ESRP2: variants seen among roughly 807,000 people sequenced by gnomAD.
ESRP2 encodes the protein RNA binding motif protein 35A.
Under a neutral mutation model 78.6 loss-of-function variants are expected in ESRP2, and 48 were observed. The ratio of observed to expected loss-of-function variants is 0.61; its 90% confidence interval spans 0.48 to 0.78. The LOEUF is 0.78. Among genes scored for constraint, ESRP2 ranks in the 30% least tolerant of loss-of-function variants. The probability of loss-of-function intolerance (pLI) is 0.00; values close to 1 mark genes in which losing one functional copy is unlikely to be tolerated. For synonymous variants in ESRP2, 383 were observed against 406.7 expected (o/e 0.94, Z 0.70); for missense variants, 863 against 965.9 (o/e 0.89, Z 1.41).
rs746386550 is a variant in ESRP2 at position 68,235,083 on chromosome 16, A to G, written c.327+551T>C. ...GGCACCCCAGGCCTTTGCACTCAGCAGGCAGATAGTCCCCCAGGCCAGGCC... is the reference window on the plus strand; with the variant it reads ...GGCACCCCAGGCCTTTGCACTCAGCGGGCAGATAGTCCCCCAGGCCAGGCC... On this transcript the variant is annotated intron_variant, in intron 2 of 14. Transcript: ENST00000473183. This position sits in a 1 kb window ranked among gnomAD's most constrained non-coding sequence, Gnocchi z 5.5. 9 of 982,442 alleles carry G rather than the reference A, an allele frequency of 9.2e-6. No individual in the cohort carries two copies. Among genetic ancestry groups the G allele is most frequent in the Non-Finnish European group, 9.7e-6 (8 of 826,552 alleles). The allele number at this position is 982,442 out of a possible 1,614,324, so 60.9% of individuals were successfully genotyped here.
chr16:68,234,894 C>T (rs1177792336), intron 2 of ESRP2: 2 of 155,854 alleles, frequency 1.3e-5, no homozygotes, highest in Admixed American at 6.5e-5. Context: ...GTGGTGCCTC[C>T]TCATCAGGAA....
Position 68,232,739 on chromosome 16 carries a change from C to T in ESRP2, c.710+22G>A, listed in dbSNP as rs2042163120. 1 of 1,614,240 alleles carries T rather than the reference C, an allele frequency of 6.2e-7. No homozygotes were observed. Among genetic ancestry groups the T allele is most frequent in the Non-Finnish European group, 8.5e-7 (1 of 1,180,038 alleles). On this transcript the variant is annotated intron_variant, in intron 6 of 14. Transcript: ENST00000473183. This position sits in a 1 kb window ranked among gnomAD's most constrained non-coding sequence, Gnocchi z 5.2. ...AGAGCTATTCAGCTGTTGTCACCCC[C>T]AGCCCCTGCTCCCACACTCACCAAG...
chr16:68,234,151 C>A, intron 2 of ESRP2, 44 bp from the exon 3 acceptor site: 1 of 1,468,986 alleles, frequency 6.8e-7, no homozygotes, highest in Admixed American at 1.9e-5. Context: ...AGATTCACAG[C>A]TGGGCAGGCA....
At chr16:68,233,196 CAAAAAAAAAAAA>C (rs377116348) in intron 5 of ESRP2, 119 bp downstream of exon 5, 4 of 524,116 alleles carry the variant, frequency 7.6e-6, no homozygotes, top group Non-Finnish European at 1.3e-5. Flanking sequence ...GAGACTGTCT[CAAAAAAAAAAAA>C]AAAAAAGAAA....
chr16:68,234,750 C>G (rs2042199555), intron 2 of ESRP2: 1 of 152,238 alleles, frequency 6.6e-6, no homozygotes. Flanking sequence ...ATCAGTGACC[C>G]ACGAACCCTC....
chr16:68,233,374 A>G lies in ESRP2; in HGVS notation c.608T>C (p.Val203Ala). The G allele has an allele frequency of 6.2e-7, 1 of 1,614,054 alleles. No individual in the cohort carries two copies. Among genetic ancestry groups the G allele is most frequent in the Non-Finnish European group, 8.5e-7 (1 of 1,179,984 alleles). ...ATEDDFGVWE[V>A]KTMVAVILHL... ...GAGGATAACAGCTACCATTGTCTTG[A>G]CTTCCCAGACCCCAAAGTCATCCTC... is the stretch of plus-strand genomic sequence containing the variant. Residue 203 changes from valine (V) to alanine (A), a missense_variant, in exon 5 of 15, where the codon GTC becomes GCC. Val to Ala is a moderately conservative substitution (Grantham distance 64). Coordinates refer to ENST00000473183, the MANE Select transcript of ESRP2 (RefSeq NM_024939.3).
At chr16:68,233,063 G>A in intron 5 of ESRP2, 1 of 618,750 alleles carries the variant, frequency 1.6e-6, no homozygotes. Context: ...GGTGGGCATG[G>A]TGGCAGGCGC....
rs374368360 is a variant in ESRP2, at chr16:68,235,490, G to T, written c.327+144C>A. On this transcript the variant is annotated intron_variant, in intron 2 of 14. Transcript: ENST00000473183. This position sits in a 1 kb window ranked among gnomAD's most constrained non-coding sequence, Gnocchi z 5.5. ...GGATGAAAGGGGCACGCACACGCGAGAGTCGCTCAAAGTTTCAAACAAGAG... is the reference window on the plus strand; with the variant it reads ...GGATGAAAGGGGCACGCACACGCGATAGTCGCTCAAAGTTTCAAACAAGAG... 1.1e-3 allele frequency: 1,664 copies of T among 1,447,700 alleles called. 21 individuals carry two copies. The African/African-American group carries it at 0.022, about 19-fold the overall frequency. The allele number at this position is 1,447,700 out of a possible 1,614,324, so 89.7% of individuals were successfully genotyped here.
rs1370427686 is a variant in ESRP2 at position 68,230,420 on chromosome 16, T to C, written c.2033A>G (p.Lys678Arg). The change falls in exon 14 of 15, where the codon AAG becomes AGG. Residue 678 changes from lysine to arginine, a missense_variant. Lys to Arg is a conservative substitution (Grantham distance 26). Transcript: ENST00000473183. ...MQGVPYTAGM[K>R]DLLSVFQAYQ... is the part of the protein sequence containing the mutation. Reference sequence around the variant, plus strand: ...GGCCTGGAAGACGCTGAGCAGATCCTTCATACCAGCCGTGTATGGGACACC... The same window carrying C: ...GGCCTGGAAGACGCTGAGCAGATCCCTCATACCAGCCGTGTATGGGACACC... 1 of 1,613,418 alleles carries C rather than the reference T, an allele frequency of 6.2e-7. No individual in the cohort carries two copies. Among genetic ancestry groups the C allele is most frequent in the African/African-American group, 1.3e-5 (1 of 75,022 alleles).
chr16:68,231,571 T>C lies in ESRP2; in HGVS notation c.1423A>G (p.Thr475Ala), dbSNP rs755800105. Residue 475 changes from threonine (T) to alanine (A), a missense_variant, in exon 11 of 15, where the codon ACG (threonine) becomes GCG (alanine). Thr to Ala is a moderately conservative substitution (Grantham distance 58, BLOSUM62 0). Transcript: ENST00000473183. The surrounding 1 kb of genome is among the most constrained non-coding windows in gnomAD (Gnocchi z 6.0). ...CTCAGGATGTCTTCAATGGTGGCCG[T>C]GTAGGGCAGGCCTCGGAGGCGTACA... ...DCVRLRGLPY[T>A]ATIEDILSFL... 4 of 1,614,020 alleles carry C rather than the reference T, an allele frequency of 2.5e-6. No homozygotes were observed. Among genetic ancestry groups the C allele is most frequent in the Non-Finnish European group, 3.4e-6 (4 of 1,179,982 alleles).
chr16:68,234,404 TGG>T (rs2042193112), intron 2 of ESRP2: 2 of 316,546 alleles, frequency 6.3e-6, no homozygotes, highest in Non-Finnish European at 1.2e-5. Context: ...AGCAAACACC[TGG>T]AGTGGGACAA....
At position 68,233,854 on chromosome 16, in the gene ESRP2, G is replaced by A. The variant is rs774040716; in HGVS notation, c.470C>T (p.Ser157Phe). The change falls in exon 4 of 15, where the codon TCC becomes TTC. Residue 157 changes from serine (S) to phenylalanine (F), a missense_variant. Physicochemically the swap from Ser to Phe is radical, Grantham distance 155 (BLOSUM62 -2). Coordinates refer to ENST00000473183, the MANE Select transcript of ESRP2 (RefSeq NM_024939.3). ...KNLVLPDMFF[S>F]FYDLRREFHM... ...GAATTCTCTTCGGAGGTCATAGAAG[G>A]AGAAGAACATGTCGGGGAGCACCAG... The A allele has an allele frequency of 3.7e-6, 6 of 1,614,008 alleles. No individual in the cohort carries two copies. Among genetic ancestry groups the A allele is most frequent in the South Asian group, 3.3e-5 (3 of 91,088 alleles).
At position 68,230,495 on chromosome 16, in the gene ESRP2, G is replaced by A; in HGVS notation, c.1958C>T (p.Ser653Phe). Residue 653 changes from serine (S) to phenylalanine (F), a missense_variant, in exon 14 of 15, where the codon TCT (serine) becomes TTT (phenylalanine). By Grantham distance (155) the Ser-to-Phe change is radical (BLOSUM62 -2). Transcript: ENST00000473183. ...YLTTPTAALASAPTSVLSQSG... is the reference protein window; with the variant it reads ...YLTTPTAALAFAPTSVLSQSG... ...CTGGGACAACACTGAGGTGGGAGCA[G>A]AGGCCAGGGCAGCAGTGGGTGTAGT... is the stretch of plus-strand genomic sequence containing the variant. 6.2e-7 allele frequency: 1 copy of A among 1,610,442 alleles called. No individual in the cohort carries two copies. Among genetic ancestry groups the A allele is most frequent in the Non-Finnish European group, 8.5e-7 (1 of 1,177,892 alleles).
chr16:68,232,566 G>T lies in ESRP2; in HGVS notation c.821+11C>A, dbSNP rs767319483. 2 of 1,614,056 alleles carry T rather than the reference G, an allele frequency of 1.2e-6. No individual in the cohort carries two copies. Among genetic ancestry groups the T allele is most frequent in the Non-Finnish European group, 1.7e-6 (2 of 1,179,998 alleles). ...CTGTCCAATTGGGCCCACCCACCCTGCCACACCCACCTGGCCACGTTGAGC... is the reference window on the plus strand; with the variant it reads ...CTGTCCAATTGGGCCCACCCACCCTTCCACACCCACCTGGCCACGTTGAGC... On this transcript the variant is annotated intron_variant, in intron 7 of 14. Transcript: ENST00000473183. The surrounding 1 kb of genome is among the most constrained non-coding windows in gnomAD (Gnocchi z 5.2).
In ESRP2 at chr16:68,231,010, A is replaced by T. The variant is rs775632478; in HGVS notation, c.1729T>A (p.Tyr577Asn). The part of the protein sequence containing the change: ...CKLPCLSPPT[Y>N]TTFQATPTLI... ...GTTGGGGTGGCTTGGAAGGTGGTGT[A>T]GGTAGGTGGTGAGAGGCCTAGAGAC... Residue 577 changes from tyrosine (Y) to asparagine (N), a missense_variant, in exon 13 of 15, where the codon TAC becomes AAC. By Grantham distance (143) the Tyr-to-Asn change is moderately radical. Transcript: ENST00000473183. This position sits in a 1 kb window ranked among gnomAD's most constrained non-coding sequence, Gnocchi z 6.0. The T allele has an allele frequency of 9.4e-6, 15 of 1,594,974 alleles. No individual in the cohort carries two copies. The East Asian group carries it at 3.3e-4, about 36-fold the overall frequency.
At chr16:68,233,712 C>CA in intron 4 of ESRP2, 56 bp downstream of exon 4, 1 of 1,310,594 alleles carries the variant, frequency 7.6e-7, no homozygotes, top group Non-Finnish European at 1.1e-6. Context: ...TGCACATACT[C>CA]AGACACATGT....
In ESRP2 at chr16:68,230,178, C is replaced by T. The variant is rs2042106484; in HGVS notation, c.*48G>A. The T allele has an allele frequency of 1.3e-6, 2 of 1,561,308 alleles. No individual in the cohort carries two copies. Among genetic ancestry groups the T allele is most frequent in the Non-Finnish European group, 1.8e-6 (2 of 1,132,262 alleles). ...GCTGGTCTTCTGGACTCAGGAGAGA[C>T]ATGTTCGCCGAGGATATCAGCTGGC... On this transcript the variant is annotated 3_prime_UTR_variant, in exon 15 of 15. Transcript: ENST00000473183.
rs1019922176 is a variant in ESRP2 at position 68,233,553 on chromosome 16, T to A, written c.557-128A>T. ...TACACATTTGTTTTGGCCCAGTTCA[T>A]GTGTGCACATACAGATTCCCAGTCC... On this transcript the variant is annotated intron_variant, in intron 4 of 14. Transcript: ENST00000473183. 3 of 802,184 alleles carry A rather than the reference T, an allele frequency of 3.7e-6. No homozygotes were observed. The East Asian group carries it at 7.5e-5, about 20-fold the overall frequency. 49.7% of individuals were successfully genotyped at this position (802,184 alleles called of 1,614,324 possible).
chr16:68,233,471 A>G, intron 4 of ESRP2, 46 bp from the exon 5 acceptor site: 8 of 1,427,120 alleles, frequency 5.6e-6, no homozygotes, highest in Non-Finnish European at 7.9e-6. Context: ...CATAAGCACT[A>G]ATCCTGTTTA....
Sources: gnomAD v4.1 joint callset for allele counts on GRCh38, gnomAD v4.1.1 for gene constraint, Gnocchi (gnomAD v3.1) non-coding constraint, MANE v1.5 for transcripts, NCBI Gene and HGNC (gene_info 2026-07-23, HGNC 2026-07-21) for gene names.